Variants in MYH11 observed in about 807,000 individuals in gnomAD.
The protein encoded by MYH11 is myosin-11.
MYH11 carries 80 observed loss-of-function variants against 246.6 expected under a neutral mutation model. The observed-to-expected ratio is 0.32, with a 90% CI of 0.27 to 0.39. MYH11 has a LOEUF of 0.39. Among genes scored for constraint, MYH11 ranks in the 10% least tolerant of loss-of-function variants. The pLI is 1.00. For missense variants in MYH11, 2,158 were observed against 2,546.8 expected (o/e 0.85, Z 3.29); for synonymous variants, 1,071 against 1,015.5 (o/e 1.05, Z -1.04).
Position 15,717,223 on chromosome 16 carries a change from G to T in MYH11, c.5421C>A (p.Ala1807=), listed in dbSNP as rs145857508. 4 of 1,614,072 alleles carry T rather than the reference G, an allele frequency of 2.5e-6. No homozygotes were observed. Among genetic ancestry groups the T allele is most frequent in the Non-Finnish European group, 3.4e-6 (4 of 1,180,046 alleles). The change falls in exon 38 of 41, where the codon GCC becomes GCA. Residue 1807 remains alanine, a synonymous_variant. Coordinates refer to ENST00000300036, the MANE Select transcript of MYH11 (RefSeq NM_002474.3). ...TGGTGGACTTGAACTTGGACTTGAC[G>T]GCCCCCTCCATCTCGTGGAGCTTGC... The part of the protein sequence containing the change: ...LRSKLHEMEG[A]VKSKFKSTIA...
At chr16:15,835,870 C>T (rs2043878336) in intron 2 of MYH11, among the ~76,000 whole-genome samples, 1 of 151,756 alleles carries the variant, frequency 6.6e-6, no homozygotes, top group African/African-American at 2.4e-5. Context: ...CCTCCTGCCT[C>T]AGCCTCCCTG....
chr16:15,751,494 TCAC>T (rs1028815193), intron 15 of MYH11, among the ~76,000 whole-genome samples: 3 of 150,590 alleles, frequency 2.0e-5, no homozygotes, highest in Non-Finnish European at 1.5e-5. Flanking sequence ...ATCATCATCA[TCAC>T]CTCCAAGGTT....
At chr16:15,710,463 G>A (rs1319806433) in intron 40 of MYH11, among the ~76,000 whole-genome samples, 1 of 152,194 alleles carries the variant, frequency 6.6e-6, no homozygotes, top group African/African-American at 2.4e-5. Context: ...AAAGGTTGCA[G>A]TGAGCCGAGA....
At chr16:15,848,168 G>C (rs2044244479) in intron 1 of MYH11, among the ~76,000 whole-genome samples, 1 of 148,444 alleles carries the variant, frequency 6.7e-6, no homozygotes, top group African/African-American at 2.5e-5. Context: ...AAATTTTTGA[G>C]AAAATTCAGT....
In MYH11 at chr16:15,737,750, G is replaced by A. The variant is rs2041163235; in HGVS notation, c.3122-130C>T. ...CCAATCAGTAACCATCATAGTCACG[G>A]TCTGGACCATTATCTCCCGATGAAC... On this transcript the variant is annotated intron_variant, in intron 24 of 40. Transcript: ENST00000300036. 4 of 923,846 alleles carry A rather than the reference G, an allele frequency of 4.3e-6. No individual in the cohort carries two copies. The South Asian group carries it at 5.6e-5, about 13-fold the overall frequency. 57.2% of individuals were successfully genotyped at this position (923,846 alleles called of 1,614,324 possible). A position where few individuals can be genotyped will look rare whatever the true frequency, so the allele number is the denominator to read the frequency against.
rs1176760123 is a variant in MYH11, at chr16:15,757,827, C to T, written c.1575G>A (p.Pro525=). The change falls in exon 13 of 41, where the codon CCG becomes CCA. Residue 525 remains proline (P), a splice_region_variant and synonymous_variant. Transcript: ENST00000300036. ...CCCCGCACGCCCACGTGCCCCTCAC[C>T]GGTCGCTCGATGAGCTCGATGCAGG... ...LQPCIELIER[P]NNPPGVLALL... is the part of the protein sequence containing the mutation. 1 of 1,614,162 alleles carries T rather than the reference C, an allele frequency of 6.2e-7. No individual in the cohort carries two copies. Among genetic ancestry groups the T allele is most frequent in the East Asian group, 2.2e-5 (1 of 44,876 alleles).
intron 11 of MYH11, 44 bp from the exon 12 acceptor site, chr16:15,759,772 C>A: frequency 6.2e-7 from 1 of 1,610,954 alleles, no homozygotes; most frequent in Non-Finnish European, 8.5e-7. Flanking sequence ...TCAATGGGCT[C>A]CATTTTCACA....
chr16:15,855,210 C>A (rs1292954213), intron 1 of MYH11, among the ~76,000 whole-genome samples: 2 of 152,142 alleles, frequency 1.3e-5, no homozygotes, highest in Non-Finnish European at 2.9e-5. Context: ...CGGAAAAGAC[C>A]CAGCTAGTTC....
chr16:15,828,949 CGAG>C (rs2043651068), intron 2 of MYH11, among the ~76,000 whole-genome samples: 3 of 151,786 alleles, frequency 2.0e-5, no homozygotes, highest in Admixed American at 1.3e-4. Flanking sequence ...TTTGGGAAAT[CGAG>C]GAGGTCAGAT....
Position 15,703,700 on chromosome 16 carries a change from T to A in MYH11, c.*291A>T. The stretch of plus-strand genomic sequence containing the variant: ...AAGTCCTGGGCTGGAGCGTTCTTCC[T>A]GGCTCAGCCTCCCTAGTAGCTGGGA... On this transcript the variant is annotated 3_prime_UTR_variant, in exon 41 of 41. Coordinates refer to ENST00000300036, the MANE Select transcript of MYH11 (RefSeq NM_002474.3). The A allele has an allele frequency of 2.2e-6, 1 of 462,720 alleles. No homozygotes were observed. The highest frequency in any genetic ancestry group is 4.0e-6 in the Non-Finnish European group (1 of 250,052). 28.7% of individuals were successfully genotyped at this position (462,720 alleles called of 1,614,324 possible).
chr16:15,771,500 G>T, intron 9 of MYH11, 69 bp downstream of exon 9: 1 of 1,510,030 alleles, frequency 6.6e-7, no homozygotes, highest in Non-Finnish European at 9.1e-7. Context: ...CCTGACCAGA[G>T]AAGAGTTCTT....
At position 15,823,285 on chromosome 16, in the gene MYH11, C is replaced by A; in HGVS notation, c.472G>T (p.Ala158Ser). 1 of 1,614,192 alleles carries A rather than the reference C, an allele frequency of 6.2e-7. No individual in the cohort carries two copies. Among genetic ancestry groups the A allele is most frequent in the Non-Finnish European group, 8.5e-7 (1 of 1,180,040 alleles). Residue 158 changes from alanine (A) to serine (S), a missense_variant, in exon 3 of 41, where the codon GCA (alanine) becomes TCA (serine). Ala to Ser is a moderately conservative substitution (Grantham distance 99). Transcript: ENST00000300036. Reference protein sequence around the residue: ...HEMPPHIYAIADTAYRSMLQD... With the variant: ...HEMPPHIYAISDTAYRSMLQD... The stretch of plus-strand genomic sequence containing the variant: ...AGCATGCTCCGGTAGGCCGTGTCTG[C>A]GATGGCGTAGATGTGAGGCGGCATC...
intron 25 of MYH11, among the ~76,000 whole-genome samples, 153 bp downstream of exon 25, chr16:15,737,296 G>A (rs1412837697): frequency 4.6e-5 from 7 of 152,194 alleles, no homozygotes; most frequent in African/African-American, 4.8e-5. Context: ...GAACAGGGTC[G>A]AGAAGGCTTG....
At chr16:15,764,595 CAAAACT>C (rs973248772) in intron 9 of MYH11, among the ~76,000 whole-genome samples, 5 of 152,204 alleles carry the variant, frequency 3.3e-5, no homozygotes, top group African/African-American at 1.2e-4. Context: ...CAAGAAGAGG[CAAAACT>C]AATCGATGCT....
intron 4 of MYH11, among the ~76,000 whole-genome samples, chr16:15,794,093 G>A (rs529932213): frequency 3.3e-4 from 48 of 147,134 alleles, no homozygotes; most frequent in African/African-American, 9.8e-4. Context: ...ACAGGCACCC[G>A]CCACCATGCC....
In MYH11 at chr16:15,760,695, AAAG is replaced by A. The variant is rs150779058; in HGVS notation, c.1130-40_1130-38del. 1,564 of 1,354,972 alleles carry A rather than the reference AAAG, an allele frequency of 1.2e-3. 7 individuals are homozygous for A. In the African/African-American group the frequency reaches 0.013, roughly 11 times the overall value. 83.9% of individuals were successfully genotyped at this position (1,354,972 alleles called of 1,614,324 possible). A position where few individuals can be genotyped will look rare whatever the true frequency, so the allele number is the denominator to read the frequency against. ...AAAGAAACATCGTGAGTGCATCACA[AAAG>A]AAATAGCTTGGCAAGAAGACACATC... On this transcript the variant is annotated intron_variant, in intron 10 of 40. Coordinates refer to ENST00000300036, the MANE Select transcript of MYH11 (RefSeq NM_002474.3).
At chr16:15,753,181 T>G (rs1364376401) in intron 15 of MYH11, among the ~76,000 whole-genome samples, 1 of 151,970 alleles carries the variant, frequency 6.6e-6, no homozygotes, top group Non-Finnish European at 1.5e-5. Context: ...AGGACCTCAA[T>G]CCCCTCGGGA....
At chr16:15,708,798 G>A (rs770467844) in intron 40 of MYH11, 10 of 1,606,992 alleles carry the variant, frequency 6.2e-6, no homozygotes, top group South Asian at 1.1e-5. Flanking sequence ...CTGAAGGCAT[G>A]ATACCTGGTG....
At chr16:15,845,865 G>A (rs2044177444) in intron 1 of MYH11, among the ~76,000 whole-genome samples, 1 of 152,194 alleles carries the variant, frequency 6.6e-6, no homozygotes. Flanking sequence ...GCTGAGGTGG[G>A]AGGATAACTT....
Sources: allele counts gnomAD v4.1 joint callset (sites outside exome capture counted in the v4.1 genomes callset), GRCh38; gene constraint gnomAD v4.1.1; transcripts MANE v1.5; gene names NCBI Gene and HGNC (gene_info 2026-07-23, HGNC 2026-07-21).